The following TECR variants were observed in gnomAD, a reference collection of about 807,000 sequenced individuals.
The protein encoded by TECR is trans-2,3-enoyl-CoA reductase.
Under a neutral mutation model 50.6 loss-of-function variants are expected in TECR, and 19 were observed. That is an observed-to-expected ratio of 0.38 (90% CI 0.26 to 0.55). The LOEUF is 0.55. TECR is among the 20% of genes least tolerant of loss of function. The pLI, the probability that TECR is intolerant of heterozygous loss-of-function variation, is 0.79. For synonymous variants in TECR, 168 were observed against 163.5 expected (o/e 1.03, Z -0.21); for missense variants, 313 against 408.3 (o/e 0.77, Z 2.01).
At chr19:14,556,516 C>T (rs996378502) in intron 1 of TECR, among the ~76,000 whole-genome samples, 2 of 152,120 alleles carry the variant, frequency 1.3e-5, no homozygotes, top group Non-Finnish European at 2.9e-5. Context: ...CTGCCCCCAC[C>T]CCCTGCTTGC....
intron 1 of TECR, among the ~76,000 whole-genome samples, chr19:14,552,754 T>G (rs1318876087): frequency 6.6e-6 from 1 of 151,816 alleles, no homozygotes; most frequent in Non-Finnish European, 1.5e-5. Flanking sequence ...GCCAGGATGG[T>G]CTTGATCTCC....
intron 1 of TECR, chr19:14,530,918 C>T (rs550119095): frequency 2.0e-5 from 3 of 152,322 alleles, no homozygotes; most frequent in Middle Eastern, 3.4e-3. Context: ...AAGCTGTAGA[C>T]GTTAAATACT....
At chr19:14,535,531 A>T (rs2072839745) in intron 1 of TECR, among the ~76,000 whole-genome samples, 1 of 63,144 alleles carries the variant, frequency 1.6e-5, no homozygotes, top group African/African-American at 7.9e-5. Flanking sequence ...AAAAAAAAAA[A>T]AAAAAAAAAA....
At position 14,529,629 on chromosome 19, in the gene TECR, G is replaced by T; in HGVS notation, c.-68G>T. 3.7e-6 allele frequency: 6 copies of T among 1,612,526 alleles called. No homozygotes were observed. The highest frequency in any genetic ancestry group is 5.1e-6 in the Non-Finnish European group (6 of 1,178,920). Reference sequence around the variant, plus strand: ...TCGCTGCGGTTGCGAGCGCTGTAGGGAGCCTGTGCTGTGCCGCGCAGTTAG... The same window carrying T: ...TCGCTGCGGTTGCGAGCGCTGTAGGTAGCCTGTGCTGTGCCGCGCAGTTAG... On this transcript the variant is annotated 5_prime_UTR_variant, in exon 1 of 13. Transcript: ENST00000215567.
upstream of TECR, chr19:14,529,189 T>A: frequency 4.2e-6 from 1 of 236,550 alleles, no homozygotes; most frequent in Non-Finnish European, 8.8e-6. Flanking sequence ...CTGTTCCCGG[T>A]GTACCCCGGG....
upstream of TECR, chr19:14,529,311 C>T (rs2072518558): frequency 4.9e-6 from 2 of 406,406 alleles, no homozygotes; most frequent in Non-Finnish European, 4.7e-6. Context: ...CGTCGCTTAC[C>T]TTGGTTTCCA....
At chr19:14,532,763 T>A (rs978491054) in intron 1 of TECR, among the ~76,000 whole-genome samples, 1 of 152,092 alleles carries the variant, frequency 6.6e-6, no homozygotes, top group African/African-American at 2.4e-5. Flanking sequence ...ATAGAAAGGA[T>A]GCTTTCACTC....
At position 14,563,740 on chromosome 19, in the gene TECR, C is replaced by A; in HGVS notation, c.163+38C>A. 1 of 1,613,020 alleles carries A rather than the reference C, an allele frequency of 6.2e-7. No homozygotes were observed. On this transcript the variant is annotated intron_variant, in intron 4 of 12. Coordinates refer to ENST00000215567, the MANE Select transcript of TECR (RefSeq NM_138501.6). This position sits in a 1 kb window ranked among gnomAD's most constrained non-coding sequence, Gnocchi z 5.3. ...GTCCACTCGGCCCGCCCCCTGGGCTCCTGGGTGGCAGTGGGAGAAGGCCCG... is the reference window on the plus strand; with the variant it reads ...GTCCACTCGGCCCGCCCCCTGGGCTACTGGGTGGCAGTGGGAGAAGGCCCG...
At chr19:14,565,719 C>A in intron 12 of TECR, 25 bp from the exon 13 acceptor site, 1 of 1,612,228 alleles carries the variant, frequency 6.2e-7, no homozygotes, top group Non-Finnish European at 8.5e-7. Flanking sequence ...GGCAGCCCCT[C>A]CCTGACGCCC....
Position 14,529,673 on chromosome 19 carries a change from C to T in TECR, c.-24C>T, listed in dbSNP as rs1437416541. The T allele has an allele frequency of 1.9e-6, 3 of 1,613,782 alleles. No homozygotes were observed. Among genetic ancestry groups the T allele is most frequent in the Non-Finnish European group, 2.5e-6 (3 of 1,180,040 alleles). On this transcript the variant is annotated 5_prime_UTR_variant, in exon 1 of 13. Transcript: ENST00000215567. ...CAGTTAGGCAGCAGCAGCCGCGGAG[C>T]AGTAGCCGCCGTGGGAGGGAGCCAT...
chr19:14,541,736 A>C (rs2073102683), intron 1 of TECR, among the ~76,000 whole-genome samples: 1 of 150,672 alleles, frequency 6.6e-6, no homozygotes, highest in Non-Finnish European at 1.5e-5. Context: ...TGAGGCTGAC[A>C]GGGCAGGGCT....
chr19:14,529,703 C>G lies in TECR; in HGVS notation c.7C>G (p.His3Asp), dbSNP rs746471139. 1 of 1,614,128 alleles carries G rather than the reference C, an allele frequency of 6.2e-7. No homozygotes were observed. The change falls in exon 1 of 13, where the codon CAT (histidine) becomes GAT (aspartate). Residue 3 changes from histidine to aspartate, a missense_variant. His to Asp is a moderately conservative substitution (Grantham distance 81, BLOSUM62 -1). Transcript: ENST00000215567. ...GCCGCCGTGGGAGGGAGCCATGAAGCATTACGAGGTAAGAAGCGAGAAACA... is the reference window on the plus strand; with the variant it reads ...GCCGCCGTGGGAGGGAGCCATGAAGGATTACGAGGTAAGAAGCGAGAAACA... MK[H>D]YEVEILDAKT...
chr19:14,565,296 G>A lies in TECR; in HGVS notation c.753+6G>A. On this transcript the variant is annotated splice_donor_region_variant and intron_variant, in intron 11 of 12. Transcript: ENST00000215567. ...GCCCCAACTACACCTACGAGGTGAGGGGCTGCCTTACCCCTCTCTGCCCTG... is the reference window on the plus strand; with the variant it reads ...GCCCCAACTACACCTACGAGGTGAGAGGCTGCCTTACCCCTCTCTGCCCTG... 1 of 1,612,650 alleles carries A rather than the reference G, an allele frequency of 6.2e-7. No individual in the cohort carries two copies. The highest frequency in any genetic ancestry group is 8.5e-7 in the Non-Finnish European group (1 of 1,179,884).
intron 2 of TECR, among the ~76,000 whole-genome samples, chr19:14,562,913 A>G (rs1171936122): frequency 6.6e-6 from 1 of 152,022 alleles, no homozygotes; most frequent in Non-Finnish European, 1.5e-5. Flanking sequence ...ATGGGTGAGA[A>G]GTGGAGAGGA....
Position 14,563,333 on chromosome 19 carries a change from T to G in TECR, c.118+76T>G. On this transcript the variant is annotated intron_variant, in intron 3 of 12. Coordinates refer to ENST00000215567, the MANE Select transcript of TECR (RefSeq NM_138501.6). The surrounding 1 kb of genome is among the most constrained non-coding windows in gnomAD (Gnocchi z 5.3). ...CCTTAGGGTGGGAGGGATCCCATCC[T>G]GCACCCCTCTCCCAGGGGCCTGCAG... The G allele has an allele frequency of 7.4e-7, 1 of 1,352,672 alleles. No homozygotes were observed. Among genetic ancestry groups the G allele is most frequent in the South Asian group, 1.2e-5 (1 of 85,416 alleles). The allele number at this position is 1,352,672 out of a possible 1,614,324, so 83.8% of individuals were successfully genotyped here. A position where few individuals can be genotyped will look rare whatever the true frequency, so the allele number is the denominator to read the frequency against.
intron 1 of TECR, among the ~76,000 whole-genome samples, chr19:14,536,390 C>A (rs989071773): frequency 1.3e-5 from 2 of 151,952 alleles, no homozygotes; most frequent in Admixed American, 6.6e-5. Context: ...CTGCCTCAGC[C>A]TCCTGAGTAG....
intron 1 of TECR, among the ~76,000 whole-genome samples, chr19:14,541,899 C>T (rs2073108051): frequency 6.6e-6 from 1 of 151,896 alleles, no homozygotes; most frequent in African/African-American, 2.4e-5. Flanking sequence ...TCTCCTGCCT[C>T]AGCCTCCCGA....
chr19:14,537,977 C>T (rs911930815), intron 1 of TECR, among the ~76,000 whole-genome samples: 13 of 152,034 alleles, frequency 8.6e-5, no homozygotes, highest in Admixed American at 3.9e-4. Context: ...AACTCTTGAC[C>T]TCAGGTGATC....
intron 1 of TECR, among the ~76,000 whole-genome samples, chr19:14,546,694 TC>T (rs2073318717): frequency 6.6e-6 from 1 of 152,208 alleles, no homozygotes; most frequent in South Asian, 2.1e-4. Context: ...TTTTTTCTTT[TC>T]TTTTTTTAAG....
Sources: gnomAD v4.1 joint callset for allele counts (sites outside exome capture counted in the v4.1 genomes callset) on GRCh38, gnomAD v4.1.1 for gene constraint, Gnocchi (gnomAD v3.1) non-coding constraint, MANE v1.5 for transcripts, NCBI Gene and HGNC (gene_info 2026-07-23, HGNC 2026-07-21) for gene names.